Variants in SLIT3 observed in about 807,000 individuals in gnomAD.
SLIT3 encodes slit homolog 3 protein.
Under a neutral mutation model 184.0 loss-of-function variants are expected in SLIT3, and 68 were observed. The ratio of observed to expected loss-of-function variants is 0.37; its 90% CI spans 0.30 to 0.45. The LOEUF (loss-of-function observed/expected upper bound fraction) is 0.45. Among genes scored for constraint, SLIT3 ranks in the 20% least tolerant of loss-of-function variants. The pLI, the probability that SLIT3 is intolerant of heterozygous loss-of-function variation, is 1.00. For missense variants in SLIT3, 1,707 were observed against 2,026.0 expected, an observed-to-expected ratio of 0.84 and a Z score of 3.02; for synonymous variants, 831 against 828.6, an observed-to-expected ratio of 1.00 and a Z score of -0.05.
intron 9 of SLIT3, among the ~76,000 whole-genome samples, chr5:168,798,208 T>TTTCTTCTTCTTC (rs58233644): frequency 7.8e-6 from 1 of 129,026 alleles, no homozygotes; most frequent in African/African-American, 3.4e-5. Flanking sequence ...TTGGTTTTCT[T>TTTCTTCTTCTTC]TTCTTCTTCT....
intron 4 of SLIT3, among the ~76,000 whole-genome samples, chr5:169,153,166 C>G (rs1762179137): frequency 6.6e-6 from 1 of 152,188 alleles, no homozygotes; most frequent in Non-Finnish European, 1.5e-5. Context: ...CAAGTCGCCT[C>G]AAATCAAGCT....
intron 3 of SLIT3, among the ~76,000 whole-genome samples, chr5:169,197,946 A>G (rs1397712072): frequency 6.6e-6 from 1 of 152,196 alleles, no homozygotes; most frequent in African/African-American, 2.4e-5. Context: ...GGTGTAAGAT[A>G]TAAATAGAAG....
At chr5:168,897,895 AC>A (rs11286218) in intron 4 of SLIT3, among the ~76,000 whole-genome samples, 66,615 of 151,480 alleles carry the variant, frequency 0.44, 15,385 homozygotes, top group Non-Finnish European at 0.52. Flanking sequence ...CCTCTGAGAC[AC>A]CCCCCCACCT....
Position 168,817,347 on chromosome 5 carries a change from C to G in SLIT3, c.746G>C (p.Arg249Thr). 6.2e-7 allele frequency: 1 copy of G among 1,614,194 alleles called. No homozygotes were observed. The highest frequency in any genetic ancestry group is 1.7e-4 in the Middle Eastern group (1 of 6,060). The change falls in exon 8 of 36, where the codon AGG (arginine) becomes ACG (threonine). Residue 249 changes from arginine (R) to threonine (T), a missense_variant. Physicochemically the swap from Arg to Thr is moderately conservative, Grantham distance 71. Coordinates refer to ENST00000519560, the MANE Select transcript of SLIT3 (RefSeq NM_003062.4). ...CTGCACATCCGCCACGTTGAAGCCC[C>G]TCAAATGCACAGGAGCCATGCAGAG... Reference protein sequence around the residue: ...FTLCMAPVHLRGFNVADVQKK... With the variant: ...FTLCMAPVHLTGFNVADVQKK...
At chr5:168,970,696 G>C (rs1754548118) in intron 4 of SLIT3, among the ~76,000 whole-genome samples, 3 of 152,004 alleles carry the variant, frequency 2.0e-5, no homozygotes. Flanking sequence ...TCCTGCCCCT[G>C]CCCTATTCTA....
At chr5:169,244,436 A>G (rs1299800940) in intron 3 of SLIT3, among the ~76,000 whole-genome samples, 1 of 152,198 alleles carries the variant, frequency 6.6e-6, no homozygotes, top group Non-Finnish European at 1.5e-5. Context: ...TTATACAGGT[A>G]CCAAGACAGA....
chr5:169,281,934 G>A (rs557317813), intron 1 of SLIT3, among the ~76,000 whole-genome samples: 1 of 152,298 alleles, frequency 6.6e-6, no homozygotes, highest in Non-Finnish European at 1.5e-5. Flanking sequence ...ATGAAACAAG[G>A]GTACAGCTGG....
intron 4 of SLIT3, among the ~76,000 whole-genome samples, chr5:169,079,849 A>G: frequency 1.9e-5 from 2 of 103,518 alleles, no homozygotes; most frequent in African/African-American, 3.7e-5. Flanking sequence ...AGGGAGGAGG[A>G]GGAGGGAGGG....
At chr5:169,068,273 T>C (rs1374164910) in intron 4 of SLIT3, among the ~76,000 whole-genome samples, 3 of 152,324 alleles carry the variant, frequency 2.0e-5, no homozygotes, top group East Asian at 1.9e-4. Context: ...TCTTCACTTA[T>C]ATCTCGCCAT....
At chr5:169,023,548 G>C (rs981293231) in intron 4 of SLIT3, 1 of 152,210 alleles carries the variant, frequency 6.6e-6, no homozygotes, top group Non-Finnish European at 1.5e-5. Flanking sequence ...TGACTTCATA[G>C]GGTCATTCTC....
Position 169,300,608 on chromosome 5 carries a change from G to T in SLIT3, c.102C>A (p.Cys34Ter), listed in dbSNP as rs1203605388. 3 of 1,505,918 alleles carry T rather than the reference G, an allele frequency of 2.0e-6. No homozygotes were observed. Among genetic ancestry groups the T allele is most frequent in the Non-Finnish European group, 2.6e-6 (3 of 1,132,154 alleles). 93.3% of individuals were successfully genotyped at this position (1,505,918 alleles called of 1,614,324 possible). A position where few individuals can be genotyped will look rare whatever the true frequency, so the allele number is the denominator to read the frequency against. Residue 34 changes from cysteine to a stop codon, truncating the protein, a stop_gained, in exon 1 of 36, where the codon TGC (cysteine) becomes TGA (stop). Transcript: ENST00000519560. LOFTEE classifies it high-confidence loss of function. The surrounding 1 kb of genome is among the most constrained non-coding windows in gnomAD (Gnocchi z 4.1). ...CAGCGGAGCAGGTACACTTGGTGGG[G>T]CAGGCGACGGCTGGAGGCCCACTCA... ...SVLSGPPAVA[C>*]PTKCTCSAAS...
At chr5:169,195,986 TC>T (rs1477939116) in intron 3 of SLIT3, among the ~76,000 whole-genome samples, 1 of 152,166 alleles carries the variant, frequency 6.6e-6, no homozygotes, top group Non-Finnish European at 1.5e-5. Flanking sequence ...ACAACTAATC[TC>T]CAGAACTTTT....
chr5:169,225,870 G>T (rs1408377470), intron 3 of SLIT3, among the ~76,000 whole-genome samples: 2 of 152,242 alleles, frequency 1.3e-5, no homozygotes, highest in African/African-American at 2.4e-5. Flanking sequence ...CTGAGGAAGG[G>T]TGTTAAGCAT....
At chr5:169,053,236 G>A (rs1229975242) in intron 4 of SLIT3, among the ~76,000 whole-genome samples, 1 of 152,222 alleles carries the variant, frequency 6.6e-6, no homozygotes, top group Admixed American at 6.5e-5. Flanking sequence ...CAATAGATGA[G>A]GCTGGGAAAA....
intron 1 of SLIT3, among the ~76,000 whole-genome samples, chr5:169,293,436 C>T (rs967887733): frequency 1.6e-4 from 24 of 152,074 alleles, no homozygotes; most frequent in African/African-American, 4.6e-4. Flanking sequence ...CCTCTTCCAA[C>T]GCTGACGATC....
chr5:169,170,581 A>G (rs1762784188), intron 4 of SLIT3, among the ~76,000 whole-genome samples: 1 of 152,172 alleles, frequency 6.6e-6, no homozygotes, highest in Non-Finnish European at 1.5e-5. Context: ...GCTGGAGACA[A>G]CACGCCCCTC....
At chr5:169,290,380 C>T (rs1464834079) in intron 1 of SLIT3, among the ~76,000 whole-genome samples, 1 of 150,660 alleles carries the variant, frequency 6.6e-6, no homozygotes, top group Non-Finnish European at 1.5e-5. Flanking sequence ...TGTGCTAGGG[C>T]ACACGCTAGG....
In SLIT3 at chr5:168,664,526, T is replaced by G; in HGVS notation, c.*1928A>C. On this transcript the variant is annotated 3_prime_UTR_variant, in exon 36 of 36. Coordinates refer to ENST00000519560, the MANE Select transcript of SLIT3 (RefSeq NM_003062.4). Reference sequence around the variant, plus strand: ...ATCCCTTCCTTCTTTCCTTCCTTCCTTCTTCCAGTTGCCTCGTTTTCCTCC... The same window carrying G: ...ATCCCTTCCTTCTTTCCTTCCTTCCGTCTTCCAGTTGCCTCGTTTTCCTCC... The G allele has an allele frequency of 6.7e-6, 1 of 149,546 alleles. No homozygotes were observed. Among genetic ancestry groups the G allele is most frequent in the African/African-American group, 2.4e-5 (1 of 41,056 alleles). 9.3% of individuals were successfully genotyped at this position (149,546 alleles called of 1,614,324 possible).
At chr5:168,757,335 T>C (rs1238482090) in intron 16 of SLIT3, among the ~76,000 whole-genome samples, 1 of 152,200 alleles carries the variant, frequency 6.6e-6, no homozygotes, top group Non-Finnish European at 1.5e-5. Context: ...TGCTAGCTAT[T>C]ATTATTTTTA....
Sources: allele counts gnomAD v4.1 joint callset (sites outside exome capture counted in the v4.1 genomes callset), GRCh38; gene constraint gnomAD v4.1.1; non-coding constraint Gnocchi (gnomAD v3.1); transcripts MANE v1.5; gene names NCBI Gene and HGNC (gene_info 2026-07-23, HGNC 2026-07-21).